TMEM132B: variants seen among roughly 807,000 people sequenced by gnomAD.
The protein encoded by TMEM132B is transmembrane protein 132B.
Under a neutral mutation model 90.8 loss-of-function variants are expected in TMEM132B, and 18 were observed. The ratio of observed to expected loss-of-function variants is 0.20; its 90% CI spans 0.14 to 0.29. The LOEUF (loss-of-function observed/expected upper bound fraction) is 0.29, where lower values mean the gene tolerates loss of function less well. Ranked by LOEUF, TMEM132B falls within the 10% of genes least tolerant of loss-of-function variation. The pLI is 1.00. For missense variants in TMEM132B, 1,096 were observed against 1,326.8 expected, an observed-to-expected ratio of 0.83 and a Z score of 2.70; for synonymous variants, 504 against 523.3, an observed-to-expected ratio of 0.96 and a Z score of 0.50.
chr12:125,268,670 A>G (rs995563488), intron 1 of TMEM132B, among the ~76,000 whole-genome samples: 2 of 152,242 alleles, frequency 1.3e-5, no homozygotes, highest in Non-Finnish European at 2.9e-5. Context: ...TTCATGAGAA[A>G]CTGATAACGT....
intron 1 of TMEM132B, among the ~76,000 whole-genome samples, chr12:125,305,439 G>GT (rs1431786485): frequency 1.3e-5 from 2 of 151,918 alleles, no homozygotes; most frequent in Non-Finnish European, 2.9e-5. Context: ...AAAGCCCAGG[G>GT]TAGGGGGGGG....
intron 1 of TMEM132B, among the ~76,000 whole-genome samples, chr12:125,194,268 T>TGGGG (rs150191019): frequency 1.7e-4 from 26 of 149,586 alleles, no homozygotes; most frequent in African/African-American, 6.4e-4. Context: ...ATTAACCCGT[T>TGGGG]GGTGGGGGGG....
At chr12:125,457,503 A>G (rs1275825265) in intron 3 of TMEM132B, among the ~76,000 whole-genome samples, 4 of 152,128 alleles carry the variant, frequency 2.6e-5, no homozygotes, top group South Asian at 2.1e-4. Flanking sequence ...TTGAGTTTGG[A>G]TGGGACCCTT....
At chr12:125,416,577 G>C (rs550746940) in intron 3 of TMEM132B, among the ~76,000 whole-genome samples, 11 of 152,380 alleles carry the variant, frequency 7.2e-5, no homozygotes, top group Non-Finnish European at 7.3e-5. Context: ...GTGGAGGGGA[G>C]CATGAGAAAT....
chr12:125,265,966 C>T (rs1260473791), intron 1 of TMEM132B, among the ~76,000 whole-genome samples: 4 of 152,004 alleles, frequency 2.6e-5, no homozygotes, highest in East Asian at 1.9e-4. Context: ...TGGTGGCTCA[C>T]GCCTGTAATC....
intron 5 of TMEM132B, among the ~76,000 whole-genome samples, chr12:125,632,927 C>CT (rs375627239): frequency 1.7e-4 from 26 of 151,788 alleles, no homozygotes; most frequent in African/African-American, 5.6e-4. Context: ...TGGATAGTGA[C>CT]TTTTTTTTGT....
intron 3 of TMEM132B, among the ~76,000 whole-genome samples, chr12:125,477,730 A>T (rs1056052863): frequency 1.3e-5 from 2 of 152,190 alleles, no homozygotes; most frequent in African/African-American, 4.8e-5. Flanking sequence ...AGCTCTGAAG[A>T]GAGCAGTGGT....
At position 125,654,966 on chromosome 12, in the gene TMEM132B, G is replaced by A; in HGVS notation, c.*256G>A. 4.4e-6 allele frequency: 2 copies of A among 449,554 alleles called. No individual in the cohort carries two copies. Among genetic ancestry groups the A allele is most frequent in the Non-Finnish European group, 8.0e-6 (2 of 250,634 alleles). 27.8% of individuals were successfully genotyped at this position (449,554 alleles called of 1,614,324 possible). ...CAGTTTTATGGACTGCCTGGTACGAGCTCAGTGCAAATGTATTAAACCTGA... is the reference window on the plus strand; with the variant it reads ...CAGTTTTATGGACTGCCTGGTACGAACTCAGTGCAAATGTATTAAACCTGA... On this transcript the variant is annotated 3_prime_UTR_variant, in exon 9 of 9. Coordinates refer to ENST00000682704, the MANE Select transcript of TMEM132B (RefSeq NM_001366854.1). The surrounding 1 kb of genome is among the most constrained non-coding windows in gnomAD (Gnocchi z 5.8).
At chr12:125,439,144 CT>C (rs1252007508) in intron 3 of TMEM132B, among the ~76,000 whole-genome samples, 1 of 117,390 alleles carries the variant, frequency 8.5e-6, no homozygotes, top group East Asian at 2.3e-4. Flanking sequence ...GCTGTTCAGG[CT>C]CTTTTTTTTT....
chr12:125,536,998 A>G (rs1248860371), intron 4 of TMEM132B, among the ~76,000 whole-genome samples: 2 of 152,210 alleles, frequency 1.3e-5, no homozygotes, highest in Non-Finnish European at 2.9e-5. Context: ...ATTTTTTAAA[A>G]AAAATCAGAG....
chr12:125,509,838 TGTCTGGA>T (rs57625817), intron 3 of TMEM132B, among the ~76,000 whole-genome samples: 18,922 of 148,848 alleles, frequency 0.13, 1,654 homozygotes, highest in Admixed American at 0.3. Flanking sequence ...GCATCCTCCG[TGTCTGGA>T]GTCTGGAGTC....
intron 2 of TMEM132B, among the ~76,000 whole-genome samples, chr12:125,354,233 C>T (rs189261427): frequency 5.3e-5 from 8 of 152,354 alleles, no homozygotes; most frequent in South Asian, 4.1e-4. Flanking sequence ...AAAACATCTA[C>T]TCAACAGTTT....
rs996582077 is a variant in TMEM132B, at chr12:125,604,758, A to G, written c.1437+20764A>G. Among the ~76,000 whole-genome samples the G allele has an allele frequency of 8.5e-5, 13 of 152,328 alleles. No individual in the cohort carries two copies. In the South Asian group the frequency reaches 2.5e-3, roughly 29 times the overall value. Reference sequence around the variant, plus strand: ...GTTTTTGTAGGCAACCAAAGGAAGGAACACTTTCTGAAATCTTTGTTTGTG... The same window carrying G: ...GTTTTTGTAGGCAACCAAAGGAAGGGACACTTTCTGAAATCTTTGTTTGTG... On this transcript the variant is annotated intron_variant, in intron 5 of 8. Transcript: ENST00000682704.
Position 125,654,733 on chromosome 12 carries a change from C to A in TMEM132B, c.*23C>A. 1 of 1,590,596 alleles carries A rather than the reference C, an allele frequency of 6.3e-7. No individual in the cohort carries two copies. The highest frequency in any genetic ancestry group is 1.1e-5 in the South Asian group (1 of 87,716). ...TAAACTCCTTTCTTATGTTTGTATT[C>A]ACCTTTATGCCTTCTGTTTTTTGAA... On this transcript the variant is annotated 3_prime_UTR_variant, in exon 9 of 9. Coordinates refer to ENST00000682704, the MANE Select transcript of TMEM132B (RefSeq NM_001366854.1). The surrounding 1 kb of genome is among the most constrained non-coding windows in gnomAD (Gnocchi z 5.8).
In TMEM132B at chr12:125,415,393, C is replaced by A; in HGVS notation, c.960-138C>A. On this transcript the variant is annotated intron_variant, in intron 2 of 8. Transcript: ENST00000682704. This position sits in a 1 kb window ranked among gnomAD's most constrained non-coding sequence, Gnocchi z 5.3. ...TAAAGGAAAGCCACTTGCCACCACTCTCCCCCACATCTCCCAGAGGAAGGG... is the reference window on the plus strand; with the variant it reads ...TAAAGGAAAGCCACTTGCCACCACTATCCCCCACATCTCCCAGAGGAAGGG... 1 of 1,115,334 alleles carries A rather than the reference C, an allele frequency of 9.0e-7. No homozygotes were observed. The highest frequency in any genetic ancestry group is 1.2e-6 in the Non-Finnish European group (1 of 802,872). The allele number at this position is 1,115,334 out of a possible 1,614,324, so 69.1% of individuals were successfully genotyped here. A position where few individuals can be genotyped will look rare whatever the true frequency, so the allele number is the denominator to read the frequency against.
intron 4 of TMEM132B, among the ~76,000 whole-genome samples, chr12:125,553,535 C>A (rs1884292707): frequency 6.6e-6 from 1 of 152,162 alleles, no homozygotes; most frequent in Non-Finnish European, 1.5e-5. Context: ...AGGATCATGG[C>A]CCTGGAAGTT....
chr12:125,384,094 G>T (rs546606577), intron 2 of TMEM132B, among the ~76,000 whole-genome samples: 2 of 152,194 alleles, frequency 1.3e-5, no homozygotes, highest in South Asian at 4.1e-4. Flanking sequence ...TTACAGGCGT[G>T]TGCCACCATG....
chr12:125,416,576 A>G (rs538974589), intron 3 of TMEM132B, among the ~76,000 whole-genome samples: 11 of 152,304 alleles, frequency 7.2e-5, no homozygotes, highest in Admixed American at 2.6e-4. Context: ...GGTGGAGGGG[A>G]GCATGAGAAA....
At chr12:125,188,569 A>G in intron 1 of TMEM132B, among the ~76,000 whole-genome samples, 1 of 7,968 alleles carries the variant, frequency 1.3e-4, no homozygotes, top group Non-Finnish European at 2.5e-4. Flanking sequence ...CCTCTCCCCC[A>G]GCAACAGAAG....
Sources: allele counts gnomAD v4.1 joint callset (sites outside exome capture counted in the v4.1 genomes callset), GRCh38; gene constraint gnomAD v4.1.1; non-coding constraint Gnocchi (gnomAD v3.1); transcripts MANE v1.5; gene names NCBI Gene and HGNC (gene_info 2026-07-23, HGNC 2026-07-21).